AKNA: variants seen among roughly 807,000 people sequenced by gnomAD.
AKNA encodes microtubule organization protein AKNA.
Under a neutral mutation model 138.8 loss-of-function variants are expected in AKNA, and 67 were observed. The ratio of observed to expected loss-of-function variants is 0.48; its 90% CI spans 0.40 to 0.59. The LOEUF (loss-of-function observed/expected upper bound fraction) is 0.59. Ranked by LOEUF, AKNA falls within the 20% of genes least tolerant of loss-of-function variation. AKNA has a pLI of 0.00. For missense variants in AKNA, 1,813 were observed against 1,880.4 expected, an observed-to-expected ratio of 0.96 and a Z score of 0.66; for synonymous variants, 737 against 754.4, an observed-to-expected ratio of 0.98 and a Z score of 0.38.
At chr9:114,350,577 C>A (rs80339969) in intron 15 of AKNA, among the ~76,000 whole-genome samples, 3,882 of 152,214 alleles carry the variant, frequency 0.026, 59 homozygotes, top group Non-Finnish European at 0.041. Context: ...AGGCTTTTCT[C>A]GGAAAAGAGA....
Position 114,359,746 on chromosome 9 carries a change from C to A in AKNA, c.2340G>T (p.Glu780Asp). 6.2e-7 allele frequency: 1 copy of A among 1,603,828 alleles called. No individual in the cohort carries two copies. Among genetic ancestry groups the A allele is most frequent in the South Asian group, 1.1e-5 (1 of 89,014 alleles). Residue 780 changes from glutamate (E) to aspartate (D), a missense_variant, in exon 11 of 22, where the codon GAG becomes GAT. Physicochemically the swap from Glu to Asp is conservative, Grantham distance 45. Coordinates refer to ENST00000374088, the MANE Select transcript of AKNA (RefSeq NM_001317950.2). ...CCTCCTCCTCCTCCTCTCCTTCTTCCTCCTCCTCCATTCTCATGGCTTCTG... is the reference window on the plus strand; with the variant it reads ...CCTCCTCCTCCTCCTCTCCTTCTTCATCCTCCTCCATTCTCATGGCTTCTG... Reference protein sequence around the residue: ...SLPEAMRMEEEEEGEEEEEEE... With the variant: ...SLPEAMRMEEDEEGEEEEEEE...
rs140661357 is a variant in AKNA, at chr9:114,351,746, G to C, written c.3059-725C>G. Among the ~76,000 whole-genome samples, 188 of 152,092 alleles carry C rather than the reference G, an allele frequency of 1.2e-3. 4 individuals are homozygous for C. In the East Asian group the frequency reaches 0.033, roughly 27 times the overall value. ...CTTGGGAGGCTGAAGCAGGAGGATC[G>C]CTTGGGCCAGGGAGGACAAGGCTGC... On this transcript the variant is annotated intron_variant, in intron 14 of 21. Transcript: ENST00000374088.
At chr9:114,387,768 G>C (rs994220201) in intron 1 of AKNA, 92 bp downstream of exon 1, 2 of 231,008 alleles carry the variant, frequency 8.7e-6, no homozygotes, top group Admixed American at 8.8e-5. Context: ...GGCTGGGCTG[G>C]TCCGGCTGCC....
At chr9:114,343,276 G>C (rs951550715) in intron 19 of AKNA, among the ~76,000 whole-genome samples, 2 of 152,200 alleles carry the variant, frequency 1.3e-5, no homozygotes, top group African/African-American at 4.8e-5. Context: ...CTGAGGTACA[G>C]AGAAGTCAAG....
chr9:114,361,224 C>T (rs1390714360), intron 9 of AKNA, among the ~76,000 whole-genome samples: 2 of 152,146 alleles, frequency 1.3e-5, no homozygotes, highest in Non-Finnish European at 2.9e-5. Context: ...CTTTCTCTTC[C>T]CATACTCTAG....
intron 21 of AKNA, among the ~76,000 whole-genome samples, chr9:114,337,888 T>C (rs999949904): frequency 6.6e-6 from 1 of 152,132 alleles, no homozygotes; most frequent in African/African-American, 2.4e-5. Context: ...CCCAGTCCTA[T>C]AGGAATGTGA....
chr9:114,384,016 C>T (rs764933482), intron 1 of AKNA, among the ~76,000 whole-genome samples: 8 of 152,204 alleles, frequency 5.3e-5, no homozygotes, highest in Non-Finnish European at 8.8e-5. Flanking sequence ...GAAGAGCCCA[C>T]TCGGCGCCAG....
At chr9:114,382,210 C>T (rs529316487) in intron 1 of AKNA, among the ~76,000 whole-genome samples, 1 of 152,264 alleles carries the variant, frequency 6.6e-6, no homozygotes, top group South Asian at 2.1e-4. Context: ...GTCTGGTGAT[C>T]CCAGTTTAGA....
chr9:114,347,196 G>A (rs1455023063), intron 16 of AKNA, among the ~76,000 whole-genome samples: 4 of 152,020 alleles, frequency 2.6e-5, no homozygotes, highest in African/African-American at 9.7e-5. Context: ...TGGGTCTAGG[G>A]ATATTCATTG....
chr9:114,375,488 A>G (rs1190390450), intron 3 of AKNA, among the ~76,000 whole-genome samples: 1 of 152,248 alleles, frequency 6.6e-6, no homozygotes, highest in Non-Finnish European at 1.5e-5. Flanking sequence ...TATGAGACAC[A>G]GAGAGATCTG....
chr9:114,363,232 T>A (rs947706731), intron 7 of AKNA, among the ~76,000 whole-genome samples: 1 of 152,236 alleles, frequency 6.6e-6, no homozygotes, highest in Non-Finnish European at 1.5e-5. Flanking sequence ...GAGCTCATGG[T>A]CCTAGCAATT....
upstream of AKNA, among the ~76,000 whole-genome samples, chr9:114,395,872 G>A (rs970904314): frequency 6.6e-6 from 1 of 151,980 alleles, no homozygotes; most frequent in Admixed American, 6.6e-5. Context: ...TGCTGCACTG[G>A]GAAGAGATGG....
upstream of AKNA, among the ~76,000 whole-genome samples, chr9:114,397,538 AG>A (rs1436480048): frequency 6.6e-6 from 1 of 152,214 alleles, no homozygotes; most frequent in Non-Finnish European, 1.5e-5. Flanking sequence ...TCTCAGAAGC[AG>A]GTCTTTAAAC....
Position 114,357,977 on chromosome 9 carries a change from T to G in AKNA, c.2683A>C (p.Ile895Leu). 1.2e-6 allele frequency: 2 copies of G among 1,603,788 alleles called. No homozygotes were observed. Among genetic ancestry groups the G allele is most frequent in the Non-Finnish European group, 1.7e-6 (2 of 1,175,582 alleles). ...SSMTSLEGSG[I>L]SERLPQKPLH... ...GGCTTCTGTGGAAGGCGCTCAGAGATGCCGCTTCCCTCCAGGCTGGTCATA... is the reference window on the plus strand; with the variant it reads ...GGCTTCTGTGGAAGGCGCTCAGAGAGGCCGCTTCCCTCCAGGCTGGTCATA... The change falls in exon 12 of 22, where the codon ATC (isoleucine) becomes CTC (leucine). Residue 895 changes from isoleucine to leucine, a missense_variant. Coordinates refer to ENST00000374088, the MANE Select transcript of AKNA (RefSeq NM_001317950.2).
rs141545891 is a variant in AKNA at position 114,359,728 on chromosome 9, C to T, written c.2358G>A (p.Glu786=). The T allele has an allele frequency of 6.2e-7, 1 of 1,607,068 alleles. No homozygotes were observed. Among genetic ancestry groups the T allele is most frequent in the South Asian group, 1.1e-5 (1 of 89,732 alleles). The part of the protein sequence containing the change: ...RMEEEEEGEE[E]EEEEGGGDSL... ...AGTCACCTCCCCCCTCTTCCTCCTC[C>T]TCCTCCTCTCCTTCTTCCTCCTCCT... The change falls in exon 11 of 22, where the codon GAG becomes GAA. Residue 786 remains glutamate, a synonymous_variant. Transcript: ENST00000374088.
chr9:114,382,366 G>A (rs1833749061), intron 1 of AKNA, among the ~76,000 whole-genome samples: 2 of 152,104 alleles, frequency 1.3e-5, no homozygotes, highest in African/African-American at 2.4e-5. Context: ...TGAGGCGAGT[G>A]GATCACTTGA....
chr9:114,367,102 T>C (rs1832419471), intron 6 of AKNA, among the ~76,000 whole-genome samples: 1 of 152,138 alleles, frequency 6.6e-6, no homozygotes, highest in Admixed American at 6.6e-5. Flanking sequence ...ACTTGGACTG[T>C]TTCATGAAGA....
chr9:114,348,511 G>A (rs575089144), intron 15 of AKNA, among the ~76,000 whole-genome samples: 28 of 152,318 alleles, frequency 1.8e-4, no homozygotes, highest in African/African-American at 6.7e-4. Flanking sequence ...GAGCGGACAG[G>A]GAGACACCTC....
chr9:114,376,734 A>C lies in AKNA; in HGVS notation c.1073T>G (p.Leu358Arg). 1 of 1,612,596 alleles carries C rather than the reference A, an allele frequency of 6.2e-7. No homozygotes were observed. The highest frequency in any genetic ancestry group is 8.5e-7 in the Non-Finnish European group (1 of 1,179,274). ...GGGCCCTACCTTGGAGAAATCAGGGAGTGGGTAGTTCAACTGCCCCCGGCC... is the reference window on the plus strand; with the variant it reads ...GGGCCCTACCTTGGAGAAATCAGGGCGTGGGTAGTTCAACTGCCCCCGGCC... ...KYGRGQLNYPLPDFSKVGPRV... is the reference protein window; with the variant it reads ...KYGRGQLNYPRPDFSKVGPRV... Residue 358 changes from leucine (L) to arginine (R), a missense_variant, in exon 3 of 22, where the codon CTC becomes CGC. Coordinates refer to ENST00000374088, the MANE Select transcript of AKNA (RefSeq NM_001317950.2).
Sources: allele counts gnomAD v4.1 joint callset (sites outside exome capture counted in the v4.1 genomes callset), GRCh38; gene constraint gnomAD v4.1.1; transcripts MANE v1.5; gene names NCBI Gene and HGNC (gene_info 2026-07-23, HGNC 2026-07-21).